Variants in LIPA observed in about 807,000 individuals in gnomAD.
LIPA encodes lysosomal acid lipase/cholesteryl ester hydrolase.
LIPA carries 26 observed loss-of-function variants against 40.6 expected under a neutral mutation model. The observed-to-expected ratio is 0.64, with a 90% CI of 0.47 to 0.89. LIPA has a LOEUF of 0.89. LIPA is among the 40% of genes least tolerant of loss of function. The probability of loss-of-function intolerance (pLI) is 0.00; values close to 1 mark genes in which losing one functional copy is unlikely to be tolerated. For missense variants in LIPA, 455 were observed against 479.6 expected (o/e 0.95, Z 0.48); for synonymous variants, 188 against 168.4 (o/e 1.12, Z -0.90).
chr10:89,407,953 G>A (rs768475002), intron 2 of LIPA, among the ~76,000 whole-genome samples: 94 of 152,302 alleles, frequency 6.2e-4, no homozygotes, highest in Non-Finnish European at 1.2e-3. Flanking sequence ...GCAGGGTCCA[G>A]GGACCATTGC....
chr10:89,297,333 G>A (rs926359755), intron 1 of LIPA, among the ~76,000 whole-genome samples: 1 of 152,114 alleles, frequency 6.6e-6, no homozygotes, highest in Non-Finnish European at 1.5e-5. Context: ...ATGAGACAGG[G>A]AACTCACGCT....
chr10:89,327,952 C>G, intron 1 of LIPA: 1 of 947,022 alleles, frequency 1.1e-6, no homozygotes, highest in East Asian at 2.6e-5. Context: ...GATGCGTGCC[C>G]TACTCTCCCA....
intron 1 of LIPA, among the ~76,000 whole-genome samples, chr10:89,295,607 AAT>A (rs1322644627): frequency 6.6e-6 from 1 of 152,222 alleles, no homozygotes; most frequent in Non-Finnish European, 1.5e-5. Context: ...GGCAAGTAGC[AAT>A]ATGAGAATTA....
At position 89,389,978 on chromosome 10, in the gene LIPA, T is replaced by TC. The variant is rs1429733126; in HGVS notation, c.61+22812_61+22813insG. Among the ~76,000 whole-genome samples the TC allele has an allele frequency of 3.6e-5, 4 of 111,606 alleles. No individual in the cohort carries two copies. In the East Asian group the frequency reaches 7.0e-4, roughly 20 times the overall value. The allele number at this position is 111,606 out of a possible 152,430, so 73.2% of individuals were successfully genotyped here. A position where few individuals can be genotyped will look rare whatever the true frequency, so the allele number is the denominator to read the frequency against. Reference sequence around the variant, plus strand: ...AAAATCACCTGAAGATTTCTTTCTTTTTTTTTTTTTTTTTTTTTTTGAGAT... The same window carrying TC: ...AAAATCACCTGAAGATTTCTTTCTTTCTTTTTTTTTTTTTTTTTTTTGAGAT... On this transcript the variant is annotated intron_variant, in intron 2 of 8. Coordinates refer to the LIPA transcript ENST00000371837.
chr10:89,315,518 T>C (rs1047079254), intron 1 of LIPA, among the ~76,000 whole-genome samples: 3 of 152,100 alleles, frequency 2.0e-5, no homozygotes, highest in African/African-American at 7.2e-5. Flanking sequence ...AAATTAGTCA[T>C]GACAACTATA....
chr10:89,286,355 G>A (rs750706213), intron 1 of LIPA, among the ~76,000 whole-genome samples: 85 of 151,704 alleles, frequency 5.6e-4, no homozygotes, highest in African/African-American at 2.0e-3. Context: ...TAGCCAGGCC[G>A]AGCCAGTTCC....
chr10:89,409,573 A>C (rs561035073), intron 2 of LIPA, among the ~76,000 whole-genome samples: 5 of 152,324 alleles, frequency 3.3e-5, no homozygotes, highest in African/African-American at 1.2e-4. Context: ...GCCTGGGGCA[A>C]GCACCAGCTC....
intron 2 of LIPA, among the ~76,000 whole-genome samples, chr10:89,409,177 G>A (rs1426422275): frequency 2.6e-5 from 4 of 152,306 alleles, no homozygotes; most frequent in Non-Finnish European, 5.9e-5. Context: ...TCAGGAGAAA[G>A]CTCCAAAAGC....
chr10:89,290,883 G>A (rs926484184), intron 1 of LIPA, among the ~76,000 whole-genome samples: 4 of 152,166 alleles, frequency 2.6e-5, no homozygotes, highest in African/African-American at 4.8e-5. Context: ...GTCTCTTCAC[G>A]TGGAAAAGAG....
At chr10:89,317,871 G>A (rs1843549721) in intron 1 of LIPA, among the ~76,000 whole-genome samples, 2 of 152,166 alleles carry the variant, frequency 1.3e-5, no homozygotes, top group South Asian at 2.1e-4. Context: ...CAGATGTCTC[G>A]GCAGAAACTC....
At chr10:89,367,657 C>T (rs2133595747) in intron 2 of LIPA, among the ~76,000 whole-genome samples, 1 of 152,304 alleles carries the variant, frequency 6.6e-6, no homozygotes, top group East Asian at 1.9e-4. Context: ...TTCACACCTT[C>T]CCCTGGTGCT....
chr10:89,392,555 C>G, intron 2 of LIPA: 1 of 522,324 alleles, frequency 1.9e-6, no homozygotes, highest in South Asian at 3.1e-5. Flanking sequence ...TGCAAGGACA[C>G]ACCCACAGCT....
intron 1 of LIPA, among the ~76,000 whole-genome samples, chr10:89,291,434 A>T (rs1170762803): frequency 3.9e-5 from 6 of 152,192 alleles, no homozygotes; most frequent in Non-Finnish European, 7.3e-5. Flanking sequence ...ATTTGTTGCC[A>T]CACCCTGAGA....
intron 3 of LIPA, among the ~76,000 whole-genome samples, chr10:89,245,103 T>A (rs1261865122): frequency 6.6e-6 from 1 of 152,136 alleles, no homozygotes; most frequent in Admixed American, 6.5e-5. Context: ...TATGGAAAGA[T>A]CTCCAAGATA....
intron 1 of LIPA, among the ~76,000 whole-genome samples, chr10:89,267,863 A>G (rs1843246236): frequency 6.6e-6 from 1 of 152,112 alleles, no homozygotes; most frequent in East Asian, 1.9e-4. Flanking sequence ...GGACACTGGA[A>G]CCGGCAAGTA....
At chr10:89,248,442 A>AT (rs1459065726) in intron 1 of LIPA, among the ~76,000 whole-genome samples, 12 of 136,410 alleles carry the variant, frequency 8.8e-5, no homozygotes, top group African/African-American at 1.6e-4. Flanking sequence ...TTATTATTTT[A>AT]TATTTATTTA....
At chr10:89,301,897 A>C in intron 1 of LIPA, 1 of 470,228 alleles carries the variant, frequency 2.1e-6, no homozygotes, top group Non-Finnish European at 3.9e-6. Context: ...AGAGTCCTCT[A>C]AAGTATAATA....
At chr10:89,271,138 G>T (rs746027173) in intron 1 of LIPA, among the ~76,000 whole-genome samples, 1 of 152,206 alleles carries the variant, frequency 6.6e-6, no homozygotes, top group Non-Finnish European at 1.5e-5. Context: ...TCTCTCATCT[G>T]TCTTCTCATG....
chr10:89,361,399 C>T (rs1267290420), intron 2 of LIPA, among the ~76,000 whole-genome samples: 10 of 152,208 alleles, frequency 6.6e-5, no homozygotes, highest in African/African-American at 2.4e-4. Context: ...TTCACTATTT[C>T]TGCCTTGGGG....
Sources: allele counts gnomAD v4.1 joint callset (sites outside exome capture counted in the v4.1 genomes callset), GRCh38; gene constraint gnomAD v4.1.1; transcripts MANE v1.5; gene names NCBI Gene and HGNC (gene_info 2026-07-23, HGNC 2026-07-21).